STARD3NL: variants seen among roughly 807,000 people sequenced by gnomAD.
The protein encoded by STARD3NL is STARD3 N-terminal-like protein.
STARD3NL carries 17 observed loss-of-function variants against 30.9 expected under a neutral mutation model. The observed-to-expected ratio is 0.55, with a 90% CI of 0.38 to 0.82. STARD3NL has a LOEUF of 0.82. STARD3NL is among the 40% of genes least tolerant of loss of function. The pLI is 0.00. For missense variants in STARD3NL, 234 were observed against 277.6 expected, an observed-to-expected ratio of 0.84 and a Z score of 1.12; for synonymous variants, 112 against 100.5, an observed-to-expected ratio of 1.11 and a Z score of -0.69.
chr7:38,206,329 A>G (rs1785478778), intron 1 of STARD3NL, among the ~76,000 whole-genome samples: 1 of 152,184 alleles, frequency 6.6e-6, no homozygotes, highest in Non-Finnish European at 1.5e-5. Context: ...ACTTCTGCCC[A>G]CGTTACATGC....
intron 1 of STARD3NL, among the ~76,000 whole-genome samples, chr7:38,196,353 G>A (rs942013076): frequency 2.0e-5 from 3 of 152,086 alleles, no homozygotes; most frequent in African/African-American, 7.2e-5. Context: ...TTGAGCATGT[G>A]CCTGTCAGCT....
intron 1 of STARD3NL, among the ~76,000 whole-genome samples, chr7:38,190,125 G>A (rs1784623363): frequency 6.6e-6 from 1 of 152,100 alleles, no homozygotes; most frequent in Admixed American, 6.5e-5. Flanking sequence ...AAACCCCTAT[G>A]AATATTTTGG....
intron 7 of STARD3NL, among the ~76,000 whole-genome samples, chr7:38,226,363 T>C (rs1240534559): frequency 6.6e-6 from 1 of 152,092 alleles, no homozygotes; most frequent in Non-Finnish European, 1.5e-5. Context: ...TTATTGTCCA[T>C]TAATTCTTGC....
chr7:38,203,688 T>C (rs1745333442), intron 1 of STARD3NL, among the ~76,000 whole-genome samples: 1 of 152,116 alleles, frequency 6.6e-6, no homozygotes, highest in South Asian at 2.1e-4. Flanking sequence ...ACTGGCAAAT[T>C]GGATAAAGAG....
At chr7:38,210,206 T>C (rs750138665) in intron 2 of STARD3NL, among the ~76,000 whole-genome samples, 3 of 152,192 alleles carry the variant, frequency 2.0e-5, no homozygotes, top group African/African-American at 7.2e-5. Context: ...CTAATTCAGG[T>C]GTTGCAAGCT....
At chr7:38,179,197 C>T (rs1046411162) in intron 1 of STARD3NL, 1 of 152,204 alleles carries the variant, frequency 6.6e-6, no homozygotes, top group Non-Finnish European at 1.5e-5. Flanking sequence ...GTCCAGTTTG[C>T]CACATTTCCT....
chr7:38,216,344 G>A (rs868587697), intron 4 of STARD3NL: 5 of 152,274 alleles, frequency 3.3e-5, no homozygotes, highest in African/African-American at 1.2e-4. Flanking sequence ...GAAGAGTCTA[G>A]AAGCTGGAAG....
chr7:38,209,894 C>G (rs1785701119), intron 2 of STARD3NL, among the ~76,000 whole-genome samples: 1 of 152,180 alleles, frequency 6.6e-6, no homozygotes, highest in Non-Finnish European at 1.5e-5. Flanking sequence ...CCAGGCCTAG[C>G]AATTTAGAAA....
In STARD3NL at chr7:38,219,577, T is replaced by G. The variant is rs763237665; in HGVS notation, c.566T>G (p.Val189Gly). The G allele has an allele frequency of 6.2e-7, 1 of 1,609,078 alleles. No homozygotes were observed. The highest frequency in any genetic ancestry group is 8.5e-7 in the Non-Finnish European group (1 of 1,176,002). The change falls in exon 7 of 9, where the codon GTT (valine) becomes GGT (glycine). Residue 189 changes from valine to glycine, a missense_variant. Physicochemically the swap from Val to Gly is moderately radical, Grantham distance 109. Transcript: ENST00000009041. ...EAEEENRLLI[V>G]QDASERAALI... ...TCTTCTCTTCCAGGACTCCTGATAG[T>G]TCAGGATGCTTCAGAGAGGGCAGCA...
At chr7:38,179,378 TGTC>T (rs1784154927) in intron 1 of STARD3NL, among the ~76,000 whole-genome samples, 1 of 152,236 alleles carries the variant, frequency 6.6e-6, no homozygotes, top group African/African-American at 2.4e-5. Flanking sequence ...TACAATATGT[TGTC>T]GTGTAGAAGT....
intron 1 of STARD3NL, among the ~76,000 whole-genome samples, chr7:38,200,603 G>T (rs961647156): frequency 3.3e-5 from 5 of 152,254 alleles, no homozygotes; most frequent in African/African-American, 9.6e-5. Flanking sequence ...CAGAAATCAA[G>T]AGTTTCCTAC....
At chr7:38,228,093 G>A (rs1020359306) in intron 7 of STARD3NL, among the ~76,000 whole-genome samples, 1 of 151,878 alleles carries the variant, frequency 6.6e-6, no homozygotes, top group East Asian at 1.9e-4. Flanking sequence ...ACCTTACAGC[G>A]CATGCATTTT....
chr7:38,214,227 T>C, intron 2 of STARD3NL, 130 bp from the exon 3 acceptor site: 1 of 588,138 alleles, frequency 1.7e-6, no homozygotes, highest in East Asian at 2.9e-5. Flanking sequence ...ATTATGAGAG[T>C]TCTTTTCTTC....
intron 1 of STARD3NL, among the ~76,000 whole-genome samples, chr7:38,178,864 C>CAAA (rs796132304): frequency 2.2e-4 from 31 of 142,224 alleles, no homozygotes; most frequent in African/African-American, 5.2e-4. Context: ...AAGTCGTGTT[C>CAAA]AAAAAAAAAA....
chr7:38,215,705 T>C (rs981928758), intron 4 of STARD3NL: 5 of 152,406 alleles, frequency 3.3e-5, no homozygotes, highest in African/African-American at 1.2e-4. Context: ...GACAGATGTC[T>C]GAATATTTGC....
At chr7:38,204,648 G>C (rs967101322) in intron 1 of STARD3NL, among the ~76,000 whole-genome samples, 217 of 152,184 alleles carry the variant, frequency 1.4e-3, no homozygotes, top group African/African-American at 5.1e-3. Flanking sequence ...AGCAGAACTG[G>C]AGGAGGTAGA....
chr7:38,222,140 T>TTC (rs1189643132), intron 7 of STARD3NL, among the ~76,000 whole-genome samples: 2 of 76,484 alleles, frequency 2.6e-5, no homozygotes, highest in Non-Finnish European at 5.1e-5. Flanking sequence ...AGTTAATATT[T>TTC]TCACACACAC....
At chr7:38,181,521 A>G (rs1389664496) in intron 1 of STARD3NL, among the ~76,000 whole-genome samples, 1 of 152,234 alleles carries the variant, frequency 6.6e-6, no homozygotes, top group African/African-American at 2.4e-5. Flanking sequence ...GGAATATGGT[A>G]GATGAATAAT....
At chr7:38,187,036 AAG>A (rs1554294353) in intron 1 of STARD3NL, among the ~76,000 whole-genome samples, 2 of 152,066 alleles carry the variant, frequency 1.3e-5, no homozygotes, top group Non-Finnish European at 2.9e-5. Flanking sequence ...AAAAAAAAAA[AAG>A]AGAAACAAAT....
Sources: gnomAD v4.1 joint callset for allele counts (sites outside exome capture counted in the v4.1 genomes callset) on GRCh38, gnomAD v4.1.1 for gene constraint, MANE v1.5 for transcripts, NCBI Gene and HGNC (gene_info 2026-07-23, HGNC 2026-07-21) for gene names.